The following TRAK1 variants were observed in gnomAD, a reference collection of about 807,000 sequenced individuals.
The protein encoded by TRAK1 is trafficking kinesin-binding protein 1.
TRAK1 carries 33 observed loss-of-function variants against 92.1 expected under a neutral mutation model. The ratio of observed to expected loss-of-function variants is 0.36; its 90% CI spans 0.27 to 0.48. The LOEUF is 0.48. Among genes scored for constraint, TRAK1 ranks in the 20% least tolerant of loss-of-function variants. The pLI is 0.99. For synonymous variants in TRAK1, 521 were observed against 517.3 expected, an observed-to-expected ratio of 1.01 and a Z score of -0.10; for missense variants, 1,123 against 1,257.9, an observed-to-expected ratio of 0.89 and a Z score of 1.62.
chr3:42,124,139 A>T, intron 1 of TRAK1, among the ~76,000 whole-genome samples: 1 of 23,626 alleles, frequency 4.2e-5, no homozygotes, highest in African/African-American at 2.3e-4. Context: ...CACTGTCTTA[A>T]AAAAAAAAAA....
Position 42,025,703 on chromosome 3 carries a change from T to G in TRAK1, c.-519+11586T>G, listed in dbSNP as rs150872610. ...TGTGGGGGAGGGCGGGGGCGGGGAC[T>G]GCTTCTCTTGCTGGCTGCCTTCTCT... On this transcript the variant is annotated intron_variant, in intron 1 of 16. Transcript: ENST00000487159. Among the ~76,000 whole-genome samples the G allele has an allele frequency of 5.3e-5, 8 of 151,912 alleles. No homozygotes were observed. In the East Asian group the frequency reaches 1.6e-3, roughly 30 times the overall value.
chr3:42,211,859 G>A (rs374320607), intron 14 of TRAK1: 8 of 985,212 alleles, frequency 8.1e-6, no homozygotes, highest in African/African-American at 1.7e-5. Flanking sequence ...TTTGACGAGG[G>A]GCATGAACAT....
intron 1 of TRAK1, among the ~76,000 whole-genome samples, chr3:42,070,602 T>C (rs951241959): frequency 6.6e-6 from 1 of 152,020 alleles, no homozygotes; most frequent in African/African-American, 2.4e-5. Context: ...TAATTTTGTT[T>C]ATTTTTTGTA....
intron 1 of TRAK1, among the ~76,000 whole-genome samples, chr3:42,055,926 A>G (rs765274005): frequency 2.0e-5 from 3 of 152,196 alleles, no homozygotes; most frequent in African/African-American, 7.2e-5. Context: ...ACATGGAATC[A>G]TACAATATGT....
In TRAK1 at chr3:42,189,122, G is replaced by A. The variant is rs774131602; in HGVS notation, c.688G>A (p.Glu230Lys). The stretch of plus-strand genomic sequence containing the variant: ...AGAGGAGAATGTTGTACTTCGATCC[G>A]AGGTGATGTGCCCTCCCTTCTCTTG... ...LEEENVVLRS[E>K]ASQLKTETIT... Residue 230 changes from glutamate (E) to lysine (K), a missense_variant and splice_region_variant, in exon 6 of 16, where the codon GAG becomes AAG. Physicochemically the swap from Glu to Lys is moderately conservative, Grantham distance 56. Coordinates refer to ENST00000327628, the MANE Select transcript of TRAK1 (RefSeq NM_001042646.3). The A allele has an allele frequency of 7.5e-6, 12 of 1,609,980 alleles. No individual in the cohort carries two copies. The highest frequency in any genetic ancestry group is 1.1e-5 in the South Asian group (1 of 90,970).
At chr3:42,146,200 T>C (rs888988032) in intron 2 of TRAK1, 1 of 313,846 alleles carries the variant, frequency 3.2e-6, no homozygotes, top group Non-Finnish European at 6.5e-6. Flanking sequence ...ACTCTCACCT[T>C]TAAGAAAAGT....
intron 5 of TRAK1, 57 bp from the exon 6 acceptor site, chr3:42,188,959 G>C (rs1008634839): frequency 1.5e-5 from 19 of 1,273,830 alleles, no homozygotes; most frequent in Non-Finnish European, 2.2e-5. Context: ...CACATGGTTT[G>C]CCAGGTGGTG....
chr3:42,099,837 T>C (rs951005021), intron 1 of TRAK1, among the ~76,000 whole-genome samples: 1 of 152,176 alleles, frequency 6.6e-6, no homozygotes, highest in Non-Finnish European at 1.5e-5. Context: ...TGAGTAGAAA[T>C]GAGAAGGGGC....
chr3:42,210,621 A>G, intron 14 of TRAK1: 1 of 1,015,204 alleles, frequency 9.9e-7, no homozygotes, highest in Middle Eastern at 4.9e-4. Flanking sequence ...AAATAGAACC[A>G]GGAAAGGCTC....
At chr3:42,023,636 A>G (rs553774129) in intron 1 of TRAK1, among the ~76,000 whole-genome samples, 1 of 151,730 alleles carries the variant, frequency 6.6e-6, no homozygotes, top group Middle Eastern at 3.2e-3. Context: ...GGCGGAGTGA[A>G]GGATAAGGCT....
intron 2 of TRAK1, among the ~76,000 whole-genome samples, chr3:42,174,382 C>CT (rs1702932072): frequency 6.6e-6 from 1 of 152,144 alleles, no homozygotes; most frequent in African/African-American, 2.4e-5. Context: ...AACGGGAACT[C>CT]TGAGGAAAAG....
At chr3:42,140,243 T>C (rs933472584) in intron 2 of TRAK1, among the ~76,000 whole-genome samples, 3 of 151,818 alleles carry the variant, frequency 2.0e-5, no homozygotes, top group African/African-American at 4.8e-5. Context: ...GAGGAGGAGA[T>C]GGTTTGGGAG....
intron 1 of TRAK1, among the ~76,000 whole-genome samples, chr3:42,106,242 A>G (rs564911508): frequency 2.6e-5 from 4 of 152,370 alleles, no homozygotes; most frequent in East Asian, 3.9e-4. Context: ...ATAAAGAGTC[A>G]AGACCCATCA....
chr3:42,180,581 A>G (rs1703857840), intron 3 of TRAK1, among the ~76,000 whole-genome samples: 1 of 151,740 alleles, frequency 6.6e-6, no homozygotes, highest in South Asian at 2.1e-4. Context: ...TCAGAAAGTG[A>G]AGTGGGAGGG....
At chr3:42,024,045 G>C (rs1278551028) in intron 1 of TRAK1, among the ~76,000 whole-genome samples, 1 of 152,102 alleles carries the variant, frequency 6.6e-6, no homozygotes, top group East Asian at 1.9e-4. Context: ...GTGAGCCACC[G>C]TGACCGGCTA....
chr3:42,090,506 T>G (rs546752011), upstream of TRAK1, among the ~76,000 whole-genome samples: 16 of 152,232 alleles, frequency 1.1e-4, no homozygotes, highest in South Asian at 3.3e-3. Flanking sequence ...GCCAACATGG[T>G]GAAACCCCGT....
intron 1 of TRAK1, among the ~76,000 whole-genome samples, chr3:42,065,281 A>C (rs1703630745): frequency 6.6e-6 from 1 of 152,146 alleles, no homozygotes; most frequent in African/African-American, 2.4e-5. Context: ...AGATAAATAA[A>C]AATACAGATT....
Position 42,125,458 on chromosome 3 carries a change from A to G in TRAK1, c.130A>G (p.Ile44Val). The change falls in exon 2 of 16, where the codon ATT becomes GTT. Residue 44 changes from isoleucine to valine, a missense_variant. Physicochemically the swap from Ile to Val is conservative, Grantham distance 29. Around this residue, in one of 3 missense-constraint regions of TRAK1, gnomAD observed 686 missense variants for 747.6 expected, o/e 0.92. Transcript: ENST00000327628. ...NSTDLPEVEI[I>V]SLLEEQLPHY... ...CACCGATCTTCCGGAAGTCGAGATC[A>G]TTAGCCTGCTGGAGGAGCAGCTGCC... The G allele has an allele frequency of 1.2e-6, 2 of 1,614,210 alleles. No homozygotes were observed. The highest frequency in any genetic ancestry group is 1.7e-6 in the Non-Finnish European group (2 of 1,180,030).
At chr3:42,182,753 C>T (rs905703060) in intron 3 of TRAK1, among the ~76,000 whole-genome samples, 8 of 152,176 alleles carry the variant, frequency 5.3e-5, no homozygotes, top group African/African-American at 1.7e-4. Flanking sequence ...TCAAGTGCTG[C>T]GCTCATACTG....
Sources: allele counts gnomAD v4.1 joint callset (sites outside exome capture counted in the v4.1 genomes callset), GRCh38; gene constraint gnomAD v4.1.1; regional missense constraint gnomAD v4.1.1; transcripts MANE v1.5; gene names NCBI Gene and HGNC (gene_info 2026-07-23, HGNC 2026-07-21).